The following USP42 variants were observed in gnomAD, a reference collection of about 807,000 sequenced individuals.
USP42 encodes the protein ubiquitin carboxyl-terminal hydrolase 42.
In USP42, 23 loss-of-function variants were observed where a neutral mutation model predicts 113.0. The observed-to-expected ratio is 0.20, with a 90% CI of 0.15 to 0.29. The LOEUF (loss-of-function observed/expected upper bound fraction) is 0.29, where lower values mean the gene tolerates loss of function less well. USP42 is among the 10% of genes least tolerant of loss of function. The pLI is 1.00. For synonymous variants in USP42, 933 were observed against 699.0 expected, an observed-to-expected ratio of 1.33 and a Z score of -5.28; for missense variants, 2,174 against 1,779.8, an observed-to-expected ratio of 1.22 and a Z score of -3.99.
chr7:6,152,530 C>G (rs1199195201), intron 14 of USP42, among the ~76,000 whole-genome samples: 2 of 151,288 alleles, frequency 1.3e-5, no homozygotes, highest in Non-Finnish European at 2.9e-5. Context: ...CACTGAGGCC[C>G]TCTGTTAGGA....
In USP42 at chr7:6,140,140, C is replaced by T. The variant is rs1364264191; in HGVS notation, c.669C>T (p.His223=). The change falls in exon 6 of 18, where the codon CAC becomes CAT. Residue 223 remains histidine (H), a synonymous_variant. Coordinates refer to ENST00000306177, the MANE Select transcript of USP42 (RefSeq NM_032172.3). ...CLNGSNKLDR[H]TQATTLVCQI... ...CAACGTTTTTCAGATTAGACAGACA[C>T]ACCCAGGCCACCACTCTTGTTTGTC... 3 of 1,614,002 alleles carry T rather than the reference C, an allele frequency of 1.9e-6. No homozygotes were observed. The highest frequency in any genetic ancestry group is 1.7e-6 in the Non-Finnish European group (2 of 1,179,844).
At chr7:6,095,170 A>G in the USP42 span, among the ~76,000 whole-genome samples, 1 of 151,190 alleles carries the variant, frequency 6.6e-6, no homozygotes, top group Non-Finnish European at 1.5e-5. Context: ...TGAGTATCAC[A>G]TTTGGGAACC....
chr7:6,095,591 C>A, the USP42 span, among the ~76,000 whole-genome samples: 26 of 150,858 alleles, frequency 1.7e-4, 1 homozygote, highest in African/African-American at 5.9e-4. Context: ...ATCACTTGAA[C>A]CTGGGAGGCG....
chr7:6,150,563 C>T (rs1038028441), intron 14 of USP42, 57 bp downstream of exon 14: 6 of 1,428,058 alleles, frequency 4.2e-6, no homozygotes, highest in Non-Finnish European at 4.9e-6. Context: ...ATCCAGTAGC[C>T]TCCAGATGTG....
At position 6,145,456 on chromosome 7, in the gene USP42, T is replaced by C; in HGVS notation, c.991-60T>C. ...TAGGAAGCTCTAAGTACCCTCTACC[T>C]GAATATGTGGAATGATCTGTGCCCT... On this transcript the variant is annotated intron_variant, in intron 9 of 17. Coordinates refer to ENST00000306177, the MANE Select transcript of USP42 (RefSeq NM_032172.3). The C allele has an allele frequency of 1.9e-6, 3 of 1,605,454 alleles. No homozygotes were observed. In the South Asian group the frequency reaches 3.3e-5, roughly 18 times the overall value.
At chr7:6,089,963 T>C in the USP42 span, among the ~76,000 whole-genome samples, 1 of 150,488 alleles carries the variant, frequency 6.6e-6, no homozygotes, top group South Asian at 2.1e-4. Flanking sequence ...ATCACCTCAC[T>C]GCACTCCAGC....
intron 14 of USP42, among the ~76,000 whole-genome samples, chr7:6,151,689 C>T (rs1782060554): frequency 6.6e-6 from 1 of 152,212 alleles, no homozygotes; most frequent in African/African-American, 2.4e-5. Context: ...CTCATCCACC[C>T]GCTGTGGCCT....
At chr7:6,129,383 C>T (rs1780719118) in intron 3 of USP42, among the ~76,000 whole-genome samples, 1 of 150,402 alleles carries the variant, frequency 6.6e-6, no homozygotes, top group South Asian at 2.1e-4. Flanking sequence ...TGGCGAAACC[C>T]CATCTCTACT....
At chr7:6,123,248 G>C (rs1275935365) in intron 3 of USP42, among the ~76,000 whole-genome samples, 1 of 152,210 alleles carries the variant, frequency 6.6e-6, no homozygotes. Context: ...CCCAAGCTGG[G>C]CATGATGGCT....
In USP42 at chr7:6,160,762, C is replaced by A. The variant is rs1427087716; in HGVS notation, c.*244C>A. 1 of 152,538 alleles carries A rather than the reference C, an allele frequency of 6.6e-6. No individual in the cohort carries two copies. Among genetic ancestry groups the A allele is most frequent in the East Asian group, 1.9e-4 (1 of 5,198 alleles). The allele number at this position is 152,538 out of a possible 1,614,324, so 9.4% of individuals were successfully genotyped here. ...TACCACTGCTGACCATTGTAAAATA[C>A]CGTGTATATAAATCCCATTGAAATA... is the stretch of plus-strand genomic sequence containing the variant. On this transcript the variant is annotated 3_prime_UTR_variant, in exon 18 of 18. Transcript: ENST00000306177.
chr7:6,091,603 A>T, the USP42 span, among the ~76,000 whole-genome samples: 1 of 147,772 alleles, frequency 6.8e-6, no homozygotes, highest in Non-Finnish European at 1.5e-5. Flanking sequence ...TCTCATTCTC[A>T]CCCCCATATT....
intron 7 of USP42, 80 bp from the exon 8 acceptor site, chr7:6,142,852 C>T: frequency 7.1e-7 from 1 of 1,412,854 alleles, no homozygotes; most frequent in Non-Finnish European, 9.9e-7. Context: ...CCACTGCACT[C>T]CAGCCTGGGT....
chr7:6,139,958 G>A lies in USP42; in HGVS notation c.657-170G>A, dbSNP rs1781352502. 1 of 674,034 alleles carries A rather than the reference G, an allele frequency of 1.5e-6. No homozygotes were observed. The highest frequency in any genetic ancestry group is 2.7e-5 in the East Asian group (1 of 37,048). The allele number at this position is 674,034 out of a possible 1,614,324, so 41.8% of individuals were successfully genotyped here. ...CCACTCCCAGACCTCCCTGTGTTCT[G>A]GCCAGGAAGGGATGCTCTTGGGCTG... On this transcript the variant is annotated intron_variant, in intron 5 of 17. Coordinates refer to ENST00000306177, the MANE Select transcript of USP42 (RefSeq NM_032172.3). The surrounding 1 kb of genome is among the most constrained non-coding windows in gnomAD (Gnocchi z 4.5).
chr7:6,116,652 A>G (rs1267736503), intron 3 of USP42: 1 of 432,174 alleles, frequency 2.3e-6, no homozygotes, highest in Non-Finnish European at 4.4e-6. Context: ...CAAAGAGCCA[A>G]GTAATGCTTG....
At chr7:6,105,810 C>T (rs1779248321) in intron 1 of USP42, among the ~76,000 whole-genome samples, 1 of 152,160 alleles carries the variant, frequency 6.6e-6, no homozygotes, top group Non-Finnish European at 1.5e-5. Flanking sequence ...ACAAGTTTTC[C>T]CATCTAGGAC....
chr7:6,124,411 G>A (rs561841304), intron 3 of USP42, among the ~76,000 whole-genome samples: 2 of 151,572 alleles, frequency 1.3e-5, no homozygotes, highest in East Asian at 3.9e-4. Context: ...GGGACTACGG[G>A]TGCACCACCA....
In USP42 at chr7:6,153,951, G is replaced by A. The variant is rs764555152; in HGVS notation, c.2397G>A (p.Glu799=). 4 of 1,597,566 alleles carry A rather than the reference G, an allele frequency of 2.5e-6. No individual in the cohort carries two copies. In the East Asian group the frequency reaches 6.7e-5, roughly 27 times the overall value. ...GGGAGGCCATGGCCGTCGCCCCCGA[G>A]GAGCCTCCGCCCAGCGCCGGCGAGG... The part of the protein sequence containing the change: ...GAWEAMAVAP[E]EPPPSAGEDI... The change falls in exon 15 of 18, where the codon GAG becomes GAA. Residue 799 remains glutamate (E), a synonymous_variant. Coordinates refer to ENST00000306177, the MANE Select transcript of USP42 (RefSeq NM_032172.3).
chr7:6,147,791 G>A lies in USP42; in HGVS notation c.1285G>A (p.Gly429Ser), dbSNP rs370177935. Residue 429 changes from glycine (G) to serine (S), a missense_variant, in exon 12 of 18, where the codon GGC becomes AGC. By Grantham distance (56) the Gly-to-Ser change is moderately conservative. Coordinates refer to ENST00000306177, the MANE Select transcript of USP42 (RefSeq NM_032172.3). ...GELTHPTHSPGQSSPRPVISQ... is the reference protein window; with the variant it reads ...GELTHPTHSPSQSSPRPVISQ... ...ACTTACTCATCCCACCCATAGCCCC[G>A]GCCAGTCCTCTCCCCGCCCCGTCAT... 17 of 1,612,102 alleles carry A rather than the reference G, an allele frequency of 1.1e-5. No individual in the cohort carries two copies. Among genetic ancestry groups the A allele is most frequent in the Admixed American group, 3.3e-5 (2 of 59,880 alleles).
chr7:6,093,861 A>G, the USP42 span, among the ~76,000 whole-genome samples: 1 of 150,856 alleles, frequency 6.6e-6, no homozygotes. Flanking sequence ...GTTTGCTCTC[A>G]GGGTTTCAGA....
Sources: gnomAD v4.1 joint callset for allele counts (sites outside exome capture counted in the v4.1 genomes callset) on GRCh38, gnomAD v4.1.1 for gene constraint, Gnocchi (gnomAD v3.1) non-coding constraint, MANE v1.5 for transcripts, NCBI Gene and HGNC (gene_info 2026-07-23, HGNC 2026-07-21) for gene names.